Variants in FAM120B observed in about 807,000 individuals in gnomAD.
FAM120B encodes the protein family with sequence similarity 120 member B.
Under a neutral mutation model 96.3 loss-of-function variants are expected in FAM120B, and 83 were observed. That is an observed-to-expected ratio of 0.86 (90% CI 0.72 to 1.03). FAM120B has a LOEUF of 1.03. FAM120B is among the 50% of genes least tolerant of loss of function. The pLI, the probability that FAM120B is intolerant of heterozygous loss-of-function variation, is 0.00. For missense variants in FAM120B, 1,027 were observed against 1,121.2 expected (o/e 0.92, Z 1.20); for synonymous variants, 407 against 402.7 (o/e 1.01, Z -0.13).
chr6:170,391,281 T>C (rs1397739275), intron 8 of FAM120B, 160 bp downstream of exon 8: 1 of 597,464 alleles, frequency 1.7e-6, no homozygotes, highest in Non-Finnish European at 3.0e-6. Context: ...ACGCCTGTAA[T>C]CTCAGCACTT....
rs1434243729 is a variant in FAM120B at position 170,406,144 on chromosome 6, A to T, written c.*1393A>T. 6.6e-6 allele frequency: 1 copy of T among 152,242 alleles called. No homozygotes were observed. The highest frequency in any genetic ancestry group is 1.5e-5 in the Non-Finnish European group (1 of 68,048). 9.4% of individuals were successfully genotyped at this position (152,242 alleles called of 1,614,324 possible). The stretch of plus-strand genomic sequence containing the variant: ...AAAAGGAATGGCCAGGGTATTGATG[A>T]TGGAAAAGATTCAAATGAGGAGTTA... On this transcript the variant is annotated 3_prime_UTR_variant, in exon 11 of 11. Coordinates refer to ENST00000476287, the MANE Select transcript of FAM120B (RefSeq NM_032448.3).
intron 9 of FAM120B, among the ~76,000 whole-genome samples, chr6:170,402,245 G>A (rs766167145): frequency 3.3e-5 from 5 of 152,194 alleles, no homozygotes; most frequent in Non-Finnish European, 5.9e-5. Flanking sequence ...GAGCTGGTCC[G>A]CAAGGCTGTG....
intron 2 of FAM120B, among the ~76,000 whole-genome samples, chr6:170,322,560 G>C (rs1045212925): frequency 6.6e-6 from 1 of 152,140 alleles, no homozygotes; most frequent in Admixed American, 6.6e-5. Context: ...CTGAATTATG[G>C]CTATTTCTAT....
At chr6:170,314,018 C>T (rs1222812717) in intron 1 of FAM120B, among the ~76,000 whole-genome samples, 1 of 152,216 alleles carries the variant, frequency 6.6e-6, no homozygotes, top group African/African-American at 2.4e-5. Context: ...GAGCGCATTG[C>T]TCTTAACCTC....
rs764747117 is a variant in FAM120B, at chr6:170,388,488, C to G, written c.2485C>G (p.Gln829Glu). 6.2e-7 allele frequency: 1 copy of G among 1,613,750 alleles called. No individual in the cohort carries two copies. Among genetic ancestry groups the G allele is most frequent in the Non-Finnish European group, 8.5e-7 (1 of 1,179,788 alleles). The change falls in exon 7 of 11, where the codon CAA becomes GAA. Residue 829 changes from glutamine (Q) to glutamate (E), a missense_variant. Physicochemically the swap from Gln to Glu is conservative, Grantham distance 29. Coordinates refer to ENST00000476287, the MANE Select transcript of FAM120B (RefSeq NM_032448.3). Reference protein sequence around the residue: ...KGYAVEVLLEQNRSRLTKFHN... With the variant: ...KGYAVEVLLEENRSRLTKFHN... ...TTATGCTGTGGAGGTTCTTTTAGAA[C>G]AAAATGTGAGTTCACAGACACCTAC... is the stretch of plus-strand genomic sequence containing the variant.
chr6:170,320,770 A>T (rs558579913), intron 2 of FAM120B, among the ~76,000 whole-genome samples: 4 of 152,228 alleles, frequency 2.6e-5, no homozygotes, highest in Non-Finnish European at 4.4e-5. Context: ...TGGGATGGAG[A>T]CTTAAGGAAC....
Position 170,370,251 on chromosome 6 carries a change from CT to C in FAM120B, c.2283+11935del, listed in dbSNP as rs1259683473. On this transcript the variant is annotated intron_variant, in intron 6 of 10. Transcript: ENST00000476287. The surrounding 1 kb of genome is among the most constrained non-coding windows in gnomAD (Gnocchi z 4.3). ...TGCTCCCACATGTGCTAAGTGGCAC[CT>C]TAGGGGGCCCTTGCTGCCCAGACAG... Among the ~76,000 whole-genome samples the C allele has an allele frequency of 6.6e-6, 1 of 152,198 alleles. No homozygotes were observed. Among genetic ancestry groups the C allele is most frequent in the Non-Finnish European group, 1.5e-5 (1 of 68,040 alleles).
chr6:170,378,598 A>T (rs9348318), intron 6 of FAM120B, among the ~76,000 whole-genome samples: 6 of 152,002 alleles, frequency 3.9e-5, no homozygotes, highest in South Asian at 2.1e-4. Flanking sequence ...TGCAGCCTAG[A>T]GGGGGAAGAG....
chr6:170,383,948 A>G (rs1350190903), intron 6 of FAM120B, among the ~76,000 whole-genome samples: 1 of 152,198 alleles, frequency 6.6e-6, no homozygotes. Context: ...ATAAAGAGGA[A>G]TGAGTGGCTG....
intron 6 of FAM120B, among the ~76,000 whole-genome samples, chr6:170,364,378 G>A (rs998120453): frequency 1.3e-5 from 2 of 152,166 alleles, no homozygotes; most frequent in African/African-American, 2.4e-5. Flanking sequence ...AGGGGGACTC[G>A]TGGGTGAGAA....
At position 170,333,003 on chromosome 6, in the gene FAM120B, C is replaced by T. The variant is rs117241422; in HGVS notation, c.2017+2453C>T. ...AATAAAAGGAAATCACAAGTATTTTCCAACAAAGTGGAACTGAGGCCGAAG... is the reference window on the plus strand; with the variant it reads ...AATAAAAGGAAATCACAAGTATTTTTCAACAAAGTGGAACTGAGGCCGAAG... On this transcript the variant is annotated intron_variant, in intron 4 of 10. Coordinates refer to ENST00000476287, the MANE Select transcript of FAM120B (RefSeq NM_032448.3). 8.8e-3 allele frequency among the ~76,000 whole-genome samples: 1,337 copies of T among 151,966 alleles called. 66 individuals carry two copies. In the East Asian group the frequency reaches 0.11, roughly 12 times the overall value.
Position 170,337,134 on chromosome 6 carries a change from A to G in FAM120B, c.2017+6584A>G, listed in dbSNP as rs182009954. Among the ~76,000 whole-genome samples the G allele has an allele frequency of 3.1e-4, 47 of 152,280 alleles. No homozygotes were observed. In the East Asian group the frequency reaches 8.1e-3, roughly 26 times the overall value. On this transcript the variant is annotated intron_variant, in intron 4 of 10. Coordinates refer to ENST00000476287, the MANE Select transcript of FAM120B (RefSeq NM_032448.3). Reference sequence around the variant, plus strand: ...GCCGGTTTTCAAAGGGAATGTTTCCAGCTTTTGCCCATTCTGTATGATATT... The same window carrying G: ...GCCGGTTTTCAAAGGGAATGTTTCCGGCTTTTGCCCATTCTGTATGATATT...
rs56185506 is a variant in FAM120B at position 170,327,062 on chromosome 6, T to C, written c.1916-3387T>C. Reference sequence around the variant, plus strand: ...CCAGGCCAAAACTTGAATTTTTTTTTTTGAGATGGAGTCTTGCTCTGTCGC... The same window carrying C: ...CCAGGCCAAAACTTGAATTTTTTTTCTTGAGATGGAGTCTTGCTCTGTCGC... On this transcript the variant is annotated intron_variant, in intron 3 of 10. Coordinates refer to ENST00000476287, the MANE Select transcript of FAM120B (RefSeq NM_032448.3). Among the ~76,000 whole-genome samples, 878 of 152,028 alleles carry C rather than the reference T, an allele frequency of 5.8e-3. 7 individuals carry two copies. The highest frequency in any genetic ancestry group is 0.02 in the African/African-American group (828 of 41,450).
chr6:170,320,458 A>G (rs933314984), intron 2 of FAM120B, among the ~76,000 whole-genome samples: 1 of 152,258 alleles, frequency 6.6e-6, no homozygotes. Context: ...AATTAGGAAA[A>G]TGGCAGTGGA....
chr6:170,309,367 A>T (rs541298288), intron 1 of FAM120B, among the ~76,000 whole-genome samples: 1 of 152,364 alleles, frequency 6.6e-6, no homozygotes, highest in South Asian at 2.1e-4. Flanking sequence ...AAATAAGGAC[A>T]TCAGTGATGT....
At chr6:170,316,180 G>A (rs137888735) in intron 1 of FAM120B, among the ~76,000 whole-genome samples, 6 of 151,016 alleles carry the variant, frequency 4.0e-5, no homozygotes, top group East Asian at 3.9e-4. Flanking sequence ...TAATATTTAC[G>A]TGTCAGGGTC....
At position 170,317,771 on chromosome 6, in the gene FAM120B, C is replaced by G; in HGVS notation, c.381C>G (p.Gly127=). The G allele has an allele frequency of 6.2e-7, 1 of 1,614,136 alleles. No homozygotes were observed. Among genetic ancestry groups the G allele is most frequent in the Non-Finnish European group, 8.5e-7 (1 of 1,180,018 alleles). The change falls in exon 2 of 11, where the codon GGC becomes GGG. Residue 127 remains glycine, a synonymous_variant. Transcript: ENST00000476287. ...TCAAGTCACACAAGGAGCAGCCAGGCAGAAATATGTTCTTCATCCCCTCAG... is the reference window on the plus strand; with the variant it reads ...TCAAGTCACACAAGGAGCAGCCAGGGAGAAATATGTTCTTCATCCCCTCAG... ...HYIKSHKEQP[G]RNMFFIPSGL... is the part of the protein sequence containing the mutation.
intron 4 of FAM120B, among the ~76,000 whole-genome samples, chr6:170,339,523 T>C (rs1047707022): frequency 6.6e-6 from 1 of 151,922 alleles, no homozygotes; most frequent in African/African-American, 2.4e-5. Flanking sequence ...GCGGGGTGGC[T>C]CATGCCTGTA....
At position 170,320,658 on chromosome 6, in the gene FAM120B, AAC is replaced by A. The variant is rs147986493; in HGVS notation, c.1734+1538_1734+1539del. Among the ~76,000 whole-genome samples the A allele has an allele frequency of 8.8e-3, 1,334 of 152,330 alleles. 66 individuals are homozygous for A. The East Asian group carries it at 0.11, about 12-fold the overall frequency. On this transcript the variant is annotated intron_variant, in intron 2 of 10. Transcript: ENST00000476287. ...TTTTAATTGAGTAGATGGCACCTCTAACACATGTTCTCGTAGTGAAATATGGA... is the reference window on the plus strand; with the variant it reads ...TTTTAATTGAGTAGATGGCACCTCTAACATGTTCTCGTAGTGAAATATGGA...
Sources: gnomAD v4.1 joint callset for allele counts (sites outside exome capture counted in the v4.1 genomes callset) on GRCh38, gnomAD v4.1.1 for gene constraint, Gnocchi (gnomAD v3.1) non-coding constraint, MANE v1.5 for transcripts, NCBI Gene and HGNC (gene_info 2026-07-23, HGNC 2026-07-21) for gene names.